The following MARCHF1 variants were observed in gnomAD, a reference collection of about 807,000 sequenced individuals.
The protein encoded by MARCHF1 is membrane associated ring-CH-type finger 1, also known as E3 ubiquitin-protein ligase MARCHF1.
In MARCHF1, 40 loss-of-function variants were observed where a neutral mutation model predicts 54.2. The ratio of observed to expected loss-of-function variants is 0.74; its 90% CI spans 0.57 to 0.96. The LOEUF is 0.96. Ranked by LOEUF, MARCHF1 falls within the 40% of genes least tolerant of loss-of-function variation. The probability of loss-of-function intolerance (pLI) is 0.00; values close to 1 mark genes in which losing one functional copy is unlikely to be tolerated. For synonymous variants in MARCHF1, 236 were observed against 236.3 expected, an observed-to-expected ratio of 1.00 and a Z score of 0.01; for missense variants, 586 against 656.5, an observed-to-expected ratio of 0.89 and a Z score of 1.17.
At chr4:163,937,852 A>G (rs1429578005) in intron 3 of MARCHF1, among the ~76,000 whole-genome samples, 1 of 152,150 alleles carries the variant, frequency 6.6e-6, no homozygotes, top group Non-Finnish European at 1.5e-5. Context: ...AAATTATAGG[A>G]AATAAAGCAA....
chr4:163,723,843 C>T (rs892905383), intron 4 of MARCHF1, among the ~76,000 whole-genome samples: 32 of 152,280 alleles, frequency 2.1e-4, no homozygotes, highest in Admixed American at 7.8e-4. Context: ...GCATTTGTCA[C>T]GTAGTTCTTG....
intron 3 of MARCHF1, among the ~76,000 whole-genome samples, chr4:163,867,121 G>A (rs1038835168): frequency 3.3e-5 from 5 of 151,780 alleles, no homozygotes; most frequent in Admixed American, 2.0e-4. Context: ...TTTCTGGCAC[G>A]GCTAGACTTT....
chr4:163,663,434 C>A (rs1486591557), intron 5 of MARCHF1, among the ~76,000 whole-genome samples: 1 of 151,916 alleles, frequency 6.6e-6, no homozygotes, highest in Non-Finnish European at 1.5e-5. Context: ...TTTTTCTTTT[C>A]TTTTTCCTAG....
At position 163,699,049 on chromosome 4, in the gene MARCHF1, T is replaced by C. The variant is rs907030722; in HGVS notation, c.162+1764A>G. Among the ~76,000 whole-genome samples, 7 of 152,196 alleles carry C rather than the reference T, an allele frequency of 4.6e-5. No homozygotes were observed. The East Asian group carries it at 1.3e-3, about 29-fold the overall frequency. On this transcript the variant is annotated intron_variant, in intron 5 of 9. Transcript: ENST00000514618. The stretch of plus-strand genomic sequence containing the variant: ...AGGTAAAGTGAACATCTCAGGGTCA[T>C]GTAAGTCGGAAGCGACACAGCGGTG...
intron 2 of MARCHF1, among the ~76,000 whole-genome samples, chr4:164,047,508 T>C (rs898917430): frequency 6.6e-5 from 10 of 152,196 alleles, no homozygotes; most frequent in African/African-American, 2.2e-4. Context: ...GGTAATTTAA[T>C]AGAAACAGAA....
chr4:164,029,098 C>T (rs1035123409), intron 2 of MARCHF1, among the ~76,000 whole-genome samples: 3 of 152,130 alleles, frequency 2.0e-5, no homozygotes, highest in African/African-American at 7.2e-5. Context: ...CTTGCAAATT[C>T]CATTCTTAAA....
At chr4:163,696,478 T>C (rs60990810) in intron 5 of MARCHF1, among the ~76,000 whole-genome samples, 3,670 of 152,278 alleles carry the variant, frequency 0.024, 139 homozygotes, top group African/African-American at 0.083. Context: ...CTTCAGTGAC[T>C]GCTGTTGAGC....
chr4:163,809,118 C>T (rs1345425489), intron 4 of MARCHF1, among the ~76,000 whole-genome samples: 1 of 152,092 alleles, frequency 6.6e-6, no homozygotes, highest in South Asian at 2.1e-4. Flanking sequence ...ATCTAATCCT[C>T]TCCTGTAAAT....
At chr4:164,177,929 TGA>T (rs1223465756) in intron 1 of MARCHF1, among the ~76,000 whole-genome samples, 4 of 152,120 alleles carry the variant, frequency 2.6e-5, no homozygotes, top group Non-Finnish European at 4.4e-5. Flanking sequence ...TGCTTTGGTC[TGA>T]GAGAGACAGT....
intron 4 of MARCHF1, among the ~76,000 whole-genome samples, chr4:163,820,625 C>T (rs1748666378): frequency 6.6e-6 from 1 of 151,936 alleles, no homozygotes; most frequent in African/African-American, 2.4e-5. Flanking sequence ...AAACTTAATT[C>T]CAGACTACTG....
At chr4:164,293,017 AC>A (rs1223950104) in intron 1 of MARCHF1, among the ~76,000 whole-genome samples, 4 of 152,144 alleles carry the variant, frequency 2.6e-5, no homozygotes, top group Non-Finnish European at 4.4e-5. Context: ...CATGAAAGTC[AC>A]GTTGGTTCAT....
At chr4:163,796,372 G>A (rs1238753435) in intron 4 of MARCHF1, among the ~76,000 whole-genome samples, 1 of 151,878 alleles carries the variant, frequency 6.6e-6, no homozygotes, top group African/African-American at 2.4e-5. Flanking sequence ...GATTACAGGT[G>A]TATGCCACCA....
intron 7 of MARCHF1, among the ~76,000 whole-genome samples, chr4:163,606,083 A>G (rs1020274237): frequency 3.9e-5 from 6 of 152,128 alleles, no homozygotes; most frequent in Non-Finnish European, 1.5e-5. Flanking sequence ...TGCATAACAT[A>G]TATGAAACCT....
chr4:164,259,107 C>T (rs1280734610), intron 1 of MARCHF1, among the ~76,000 whole-genome samples: 2 of 152,030 alleles, frequency 1.3e-5, no homozygotes, highest in Non-Finnish European at 2.9e-5. Context: ...TAGCAGTAAA[C>T]AATAAATCCA....
At chr4:163,968,903 G>A (rs1443331502) in intron 3 of MARCHF1, among the ~76,000 whole-genome samples, 1 of 152,064 alleles carries the variant, frequency 6.6e-6, no homozygotes, top group South Asian at 2.1e-4. Context: ...CATTAATTAG[G>A]AGGGCTAAGC....
intron 1 of MARCHF1, among the ~76,000 whole-genome samples, chr4:164,195,146 G>C (rs1256611934): frequency 6.6e-6 from 1 of 151,554 alleles, no homozygotes; most frequent in Non-Finnish European, 1.5e-5. Context: ...TTTTTTTAAA[G>C]TCACTCATTA....
chr4:163,715,847 A>T (rs912536319), intron 4 of MARCHF1, among the ~76,000 whole-genome samples: 2 of 152,178 alleles, frequency 1.3e-5, no homozygotes, highest in African/African-American at 4.8e-5. Context: ...TAAAAAACGT[A>T]ATGAATTTTC....
intron 1 of MARCHF1, among the ~76,000 whole-genome samples, chr4:164,241,054 T>A (rs4437208): frequency 0.82 from 123,938 of 151,928 alleles, 51,013 homozygotes; most frequent in South Asian, 0.89. Context: ...CTAAGATTGG[T>A]CTTTCAGAGA....
intron 4 of MARCHF1, among the ~76,000 whole-genome samples, chr4:163,706,524 G>C (rs1334624141): frequency 6.6e-6 from 1 of 151,756 alleles, no homozygotes; most frequent in African/African-American, 2.4e-5. Flanking sequence ...AAAATACTTA[G>C]GAATAAACTT....
Sources: allele counts gnomAD v4.1 joint callset (sites outside exome capture counted in the v4.1 genomes callset), GRCh38; gene constraint gnomAD v4.1.1; transcripts MANE v1.5; gene names NCBI Gene and HGNC (gene_info 2026-07-23, HGNC 2026-07-21).